The following GRID2IP variants were observed in gnomAD, a reference collection of about 807,000 sequenced individuals.
GRID2IP encodes the protein Grid2 interacting protein, also known as delphilin.
A neutral mutation model predicts 114.3 loss-of-function variants in GRID2IP; 78 were observed. That is an observed-to-expected ratio of 0.68 (90% confidence interval 0.57 to 0.82). GRID2IP has a LOEUF of 0.82. Ranked by LOEUF, GRID2IP falls within the 40% of genes least tolerant of loss-of-function variation. GRID2IP has a pLI of 0.00. For missense variants in GRID2IP, 1,727 were observed against 1,678.5 expected (o/e 1.03, Z -0.51); for synonymous variants, 809 against 724.0 (o/e 1.12, Z -1.89).
chr7:6,535,803 T>G (rs913065520), intron 2 of GRID2IP, among the ~76,000 whole-genome samples: 1 of 152,164 alleles, frequency 6.6e-6, no homozygotes, highest in Non-Finnish European at 1.5e-5. Flanking sequence ...GGTTCACAGC[T>G]GGGGGCTGTT....
Position 6,519,413 on chromosome 7 carries a change from C to T in GRID2IP, c.1268+1165G>A, listed in dbSNP as rs145322235. ...GGACGATCACTTGAGCCCAAGAGTTCGAGACCAGCCTGGGTAACATAGTGA... is the reference window on the plus strand; with the variant it reads ...GGACGATCACTTGAGCCCAAGAGTTTGAGACCAGCCTGGGTAACATAGTGA... On this transcript the variant is annotated intron_variant, in intron 7 of 21. Coordinates refer to ENST00000457091, the MANE Select transcript of GRID2IP (RefSeq NM_001145118.2). The surrounding 1 kb of genome is among the most constrained non-coding windows in gnomAD (Gnocchi z 4.1). Among the ~76,000 whole-genome samples, 55 of 152,134 alleles carry T rather than the reference C, an allele frequency of 3.6e-4. No homozygotes were observed. Among genetic ancestry groups the T allele is most frequent in the African/African-American group, 1.2e-3 (50 of 41,498 alleles).
intron 21 of GRID2IP, 75 bp from the exon 22 acceptor site, chr7:6,497,920 C>T: frequency 7.0e-7 from 1 of 1,422,766 alleles, no homozygotes; most frequent in Non-Finnish European, 9.6e-7. Context: ...TCTCTTCCCA[C>T]ACTAGACAGC....
In GRID2IP at chr7:6,532,406, T is replaced by C. The variant is rs1779647390; in HGVS notation, c.585-5637A>G. On this transcript the variant is annotated intron_variant, in intron 2 of 21. Transcript: ENST00000457091. This position sits in a 1 kb window ranked among gnomAD's most constrained non-coding sequence, Gnocchi z 4.4. Reference sequence around the variant, plus strand: ...TCCCATGGGGCAGCCTGTGGGTACCTGCAGGCAGCACAGGGAGGACCCTCT... The same window carrying C: ...TCCCATGGGGCAGCCTGTGGGTACCCGCAGGCAGCACAGGGAGGACCCTCT... 6.6e-6 allele frequency among the ~76,000 whole-genome samples: 1 copy of C among 152,188 alleles called. No individual in the cohort carries two copies. Among genetic ancestry groups the C allele is most frequent in the African/African-American group, 2.4e-5 (1 of 41,436 alleles).
At chr7:6,500,094 C>T (rs913502146) in intron 20 of GRID2IP, among the ~76,000 whole-genome samples, 48 of 152,034 alleles carry the variant, frequency 3.2e-4, no homozygotes, top group African/African-American at 1.0e-3. Context: ...CCAAGGAAGC[C>T]GCCAATACCC....
rs1786599350 is a variant in GRID2IP at position 6,506,679 on chromosome 7, G to T, written c.2545-772C>A. 1.6e-5 allele frequency among the ~76,000 whole-genome samples: 2 copies of T among 127,294 alleles called. No individual in the cohort carries two copies. The allele number at this position is 127,294 out of a possible 152,430, so 83.5% of individuals were successfully genotyped here. A position where few individuals can be genotyped will look rare whatever the true frequency, so the allele number is the denominator to read the frequency against. On this transcript the variant is annotated intron_variant, in intron 13 of 21. Coordinates refer to ENST00000457091, the MANE Select transcript of GRID2IP (RefSeq NM_001145118.2). This position sits in a 1 kb window ranked among gnomAD's most constrained non-coding sequence, Gnocchi z 5.2. ...TTATTTGTGCCCTTGTCTCACTGAG[G>T]TATTTTTTTTTTTTTTTTTTTAGAT...
At position 6,521,892 on chromosome 7, in the gene GRID2IP, T is replaced by C; in HGVS notation, c.985A>G (p.Met329Val). 1 of 1,550,260 alleles carries C rather than the reference T, an allele frequency of 6.5e-7. No homozygotes were observed. Among genetic ancestry groups the C allele is most frequent in the Non-Finnish European group, 8.7e-7 (1 of 1,145,776 alleles). The change falls in exon 5 of 22, where the codon ATG becomes GTG. Residue 329 changes from methionine to valine, a missense_variant. Coordinates refer to ENST00000457091, the MANE Select transcript of GRID2IP (RefSeq NM_001145118.2). The surrounding 1 kb of genome is among the most constrained non-coding windows in gnomAD (Gnocchi z 4.1). ...GTGTCCCCAATAGCCTCTGACCTCATGTCCAGTCCATTGAGGAAGAGGATC... is the reference window on the plus strand; with the variant it reads ...GTGTCCCCAATAGCCTCTGACCTCACGTCCAGTCCATTGAGGAAGAGGATC... The part of the protein sequence containing the change: ...DRILFLNGLD[M>V]RNCSHDKVVS...
rs938593640 is a variant in GRID2IP, at chr7:6,528,055, A to AT, written c.585-1287dup. Reference sequence around the variant, plus strand: ...TTAGACGTGAGCCACTGTGCCCGGCATTTTTTTTTCTTTTTAATTTTTTTT... The same window carrying AT: ...TTAGACGTGAGCCACTGTGCCCGGCATTTTTTTTTTCTTTTTAATTTTTTTT... On this transcript the variant is annotated intron_variant, in intron 2 of 21. Transcript: ENST00000457091. The surrounding 1 kb of genome is among the most constrained non-coding windows in gnomAD (Gnocchi z 6.0). Among the ~76,000 whole-genome samples, 123 of 148,976 alleles carry AT rather than the reference A, an allele frequency of 8.3e-4. No homozygotes were observed. In the South Asian group the frequency reaches 0.016, roughly 19 times the overall value.
At position 6,510,373 on chromosome 7, in the gene GRID2IP, A is replaced by G. The variant is rs771196878; in HGVS notation, c.1681T>C (p.Ser561Pro). 6.5e-7 allele frequency: 1 copy of G among 1,543,882 alleles called. No homozygotes were observed. Among genetic ancestry groups the G allele is most frequent in the South Asian group, 1.2e-5 (1 of 82,642 alleles). ...MMSAVYAELE[S>P]RLNSSFKGKM... ...CCTTTGAAGCTGCTGTTCAGTCGAG[A>G]CTCAAGCTCTGCATAGACGGCTGAC... Residue 561 changes from serine to proline, a missense_variant, in exon 11 of 22, where the codon TCT becomes CCT. By Grantham distance (74) the Ser-to-Pro change is moderately conservative (BLOSUM62 -1). Transcript: ENST00000457091.
At chr7:6,539,678 A>G (rs1171890717) in intron 2 of GRID2IP, 40 bp downstream of exon 2, 1 of 1,507,902 alleles carries the variant, frequency 6.6e-7, no homozygotes, top group Non-Finnish European at 8.9e-7. Context: ...TCTAAGTGAG[A>G]CCCACCCTGC....
At chr7:6,505,033 T>C (rs1299600094) in intron 14 of GRID2IP, among the ~76,000 whole-genome samples, 163 bp from the exon 15 acceptor site, 3 of 152,308 alleles carry the variant, frequency 2.0e-5, no homozygotes, top group African/African-American at 7.2e-5. Flanking sequence ...GTCGGGGACC[T>C]TCAGGTCCTG....
In GRID2IP at chr7:6,503,645, C is replaced by G. The variant is rs1786483570; in HGVS notation, c.2753G>C (p.Arg918Pro). ...AHLKLSPAELRQVLMSMEPRR... is the reference protein window; with the variant it reads ...AHLKLSPAELPQVLMSMEPRR... The stretch of plus-strand genomic sequence containing the variant: ...GGGCTCCATGCTCATCAGCACCTGG[C>G]GCAGCTCCGCGGGGCTCAGCTTCAG... Residue 918 changes from arginine (R) to proline (P), a missense_variant, in exon 16 of 22, where the codon CGC (arginine) becomes CCC (proline). Coordinates refer to ENST00000457091, the MANE Select transcript of GRID2IP (RefSeq NM_001145118.2). 6.6e-7 allele frequency: 1 copy of G among 1,518,916 alleles called. No individual in the cohort carries two copies. The highest frequency in any genetic ancestry group is 8.8e-7 in the Non-Finnish European group (1 of 1,140,080). 94.1% of individuals were successfully genotyped at this position (1,518,916 alleles called of 1,614,324 possible).
At position 6,505,909 on chromosome 7, in the gene GRID2IP, T is replaced by C. The variant is rs922318723; in HGVS notation, c.2545-2A>G. 6 of 1,549,300 alleles carry C rather than the reference T, an allele frequency of 3.9e-6. No individual in the cohort carries two copies. Among genetic ancestry groups the C allele is most frequent in the Non-Finnish European group, 5.2e-6 (6 of 1,144,856 alleles). On this transcript the variant is annotated splice_acceptor_variant, in intron 13 of 21. Coordinates refer to ENST00000457091, the MANE Select transcript of GRID2IP (RefSeq NM_001145118.2). LOFTEE classifies it high-confidence loss of function. Reference sequence around the variant, plus strand: ...ATCGTAGTCAGAGTCTTCCCCGAGCTGCGAGGGAGGATGGGAGGTTCAGAG... The same window carrying C: ...ATCGTAGTCAGAGTCTTCCCCGAGCCGCGAGGGAGGATGGGAGGTTCAGAG...
intron 1 of GRID2IP, among the ~76,000 whole-genome samples, chr7:6,548,185 T>C (rs987178441): frequency 1.3e-5 from 2 of 152,032 alleles, no homozygotes; most frequent in Non-Finnish European, 2.9e-5. Context: ...AAACCGTGTC[T>C]CTACTATAAA....
In GRID2IP at chr7:6,521,138, T is replaced by C. The variant is rs940217805; in HGVS notation, c.1084+291A>G. 3.9e-5 allele frequency among the ~76,000 whole-genome samples: 6 copies of C among 151,918 alleles called. No individual in the cohort carries two copies. Among genetic ancestry groups the C allele is most frequent in the African/African-American group, 1.2e-4 (5 of 41,346 alleles). On this transcript the variant is annotated intron_variant, in intron 6 of 21. Transcript: ENST00000457091. The surrounding 1 kb of genome is among the most constrained non-coding windows in gnomAD (Gnocchi z 4.1). ...GGCACGTGCCATCACGCCCAGCTAG[T>C]TTTTGTATTTTTAGTAGAGACAGAG...
chr7:6,513,462 C>A (rs1464133936), intron 8 of GRID2IP, among the ~76,000 whole-genome samples: 1 of 151,538 alleles, frequency 6.6e-6, no homozygotes. Flanking sequence ...TCAAGTGATG[C>A]TTCCACCTCA....
rs1462724324 is a variant in GRID2IP, at chr7:6,503,546, T to G, written c.2852A>C (p.Gln951Pro). ...APDADEEQRYQAFREAPGRLS... is the reference protein window; with the variant it reads ...APDADEEQRYPAFREAPGRLS... Reference sequence around the variant, plus strand: ...GCGGCCGGGCGCCTCGCGGAAGGCCTGGTAGCGCTGCTCCTCGTCGGCGTC... The same window carrying G: ...GCGGCCGGGCGCCTCGCGGAAGGCCGGGTAGCGCTGCTCCTCGTCGGCGTC... Residue 951 changes from glutamine (Q) to proline (P), a missense_variant, in exon 16 of 22, where the codon CAG becomes CCG. By Grantham distance (76) the Gln-to-Pro change is moderately conservative (BLOSUM62 -1). Transcript: ENST00000457091. The G allele has an allele frequency of 3.3e-6, 5 of 1,528,538 alleles. No individual in the cohort carries two copies. Among genetic ancestry groups the G allele is most frequent in the Non-Finnish European group, 4.4e-6 (5 of 1,144,122 alleles). 94.7% of individuals were successfully genotyped at this position (1,528,538 alleles called of 1,614,324 possible).
At position 6,509,209 on chromosome 7, in the gene GRID2IP, C is replaced by G. The variant is rs1205333592; in HGVS notation, c.1876G>C (p.Glu626Gln). The change falls in exon 12 of 22, where the codon GAG becomes CAG. Residue 626 changes from glutamate (E) to glutamine (Q), a missense_variant. By Grantham distance (29) the Glu-to-Gln change is conservative. Transcript: ENST00000457091. This position sits in a 1 kb window ranked among gnomAD's most constrained non-coding sequence, Gnocchi z 4.9. ...SGGLASPSSS[E>Q]SHPYASLDSS... ...TCCAGGCTGGCGTAGGGGTGGGACT[C>G]AGAGCTGCTGGGGGAGGCCAGACCC... 6.7e-7 allele frequency: 1 copy of G among 1,493,336 alleles called. No homozygotes were observed. Among genetic ancestry groups the G allele is most frequent in the East Asian group, 2.5e-5 (1 of 39,964 alleles). The allele number at this position is 1,493,336 out of a possible 1,614,324, so 92.5% of individuals were successfully genotyped here.
At position 6,507,183 on chromosome 7, in the gene GRID2IP, C is replaced by T. The variant is rs536662080; in HGVS notation, c.2544+802G>A. 7.9e-5 allele frequency among the ~76,000 whole-genome samples: 12 copies of T among 152,254 alleles called. No homozygotes were observed. The highest frequency in any genetic ancestry group is 7.7e-4 in the East Asian group (4 of 5,182). ...ATGATGGTGATCATGAGCACTGGGACGGGGCAGCCCTGGGAGCTGGAAGGA... is the reference window on the plus strand; with the variant it reads ...ATGATGGTGATCATGAGCACTGGGATGGGGCAGCCCTGGGAGCTGGAAGGA... On this transcript the variant is annotated intron_variant, in intron 13 of 21. Coordinates refer to ENST00000457091, the MANE Select transcript of GRID2IP (RefSeq NM_001145118.2). This position sits in a 1 kb window ranked among gnomAD's most constrained non-coding sequence, Gnocchi z 5.3.
chr7:6,531,608 C>G (rs1779627282), intron 2 of GRID2IP, among the ~76,000 whole-genome samples: 1 of 152,218 alleles, frequency 6.6e-6, no homozygotes, highest in African/African-American at 2.4e-5. Flanking sequence ...TCGGGAGGGA[C>G]CCACCTCAGC....
Sources: gnomAD v4.1 joint callset for allele counts (sites outside exome capture counted in the v4.1 genomes callset) on GRCh38, gnomAD v4.1.1 for gene constraint, Gnocchi (gnomAD v3.1) non-coding constraint, MANE v1.5 for transcripts, NCBI Gene and HGNC (gene_info 2026-07-23, HGNC 2026-07-21) for gene names.